The following ELP4 variants were observed in gnomAD, a reference collection of about 807,000 sequenced individuals.
ELP4 encodes the protein elongator complex protein 4.
ELP4 carries 51 observed loss-of-function variants against 48.9 expected under a neutral mutation model. The ratio of observed to expected loss-of-function variants is 1.04; its 90% confidence interval spans 0.83 to 1.32. The LOEUF is 1.32. Among genes scored for constraint, ELP4 ranks in the 40% most tolerant of loss-of-function variants. The pLI, the probability that ELP4 is intolerant of heterozygous loss-of-function variation, is 0.00. For missense variants in ELP4, 519 were observed against 514.6 expected (o/e 1.01, Z -0.08); for synonymous variants, 210 against 189.2 (o/e 1.11, Z -0.90).
chr11:31,689,251 G>A (rs1946224226), intron 9 of ELP4: 1 of 152,056 alleles, frequency 6.6e-6, no homozygotes, highest in African/African-American at 2.4e-5. Context: ...GACCAACCTA[G>A]GCAACATAGC....
chr11:31,765,670 T>A (rs1948027401), intron 9 of ELP4, among the ~76,000 whole-genome samples: 1 of 152,070 alleles, frequency 6.6e-6, no homozygotes, highest in Non-Finnish European at 1.5e-5. Flanking sequence ...CAACAATAGA[T>A]CCCCTGGACA....
intron 9 of ELP4, among the ~76,000 whole-genome samples, chr11:31,717,046 C>T (rs11823362): frequency 6.6e-6 from 1 of 151,888 alleles, no homozygotes; most frequent in African/African-American, 2.4e-5. Flanking sequence ...ATCTTTTATT[C>T]TAAACTTTCC....
intron 7 of ELP4, among the ~76,000 whole-genome samples, chr11:31,636,139 A>G (rs981131081): frequency 3.3e-5 from 5 of 152,000 alleles, no homozygotes; most frequent in Non-Finnish European, 2.9e-5. Flanking sequence ...CCATAGGGAT[A>G]CAGTAGCAAA....
chr11:31,597,952 CTTTTTTTTTTTT>C (rs58093641), intron 4 of ELP4, among the ~76,000 whole-genome samples: 2 of 96,298 alleles, frequency 2.1e-5, no homozygotes, highest in African/African-American at 7.4e-5. Flanking sequence ...AGCCTTTTCT[CTTTTTTTTTTTT>C]TTTTTTTTTG....
At chr11:31,541,523 G>A (rs867394114) in intron 3 of ELP4, 9 of 152,064 alleles carry the variant, frequency 5.9e-5, no homozygotes, top group Non-Finnish European at 1.0e-4. Context: ...ACAATATACC[G>A]AGACTAAGAT....
At position 31,641,125 on chromosome 11, in the gene ELP4, A is replaced by T. The variant is rs542732687; in HGVS notation, c.928-6616A>T. 4.1e-4 allele frequency among the ~76,000 whole-genome samples: 63 copies of T among 152,108 alleles called. 1 individual carries two copies. The highest frequency in any genetic ancestry group is 1.4e-3 in the African/African-American group (58 of 41,540). On this transcript the variant is annotated intron_variant, in intron 7 of 9. Transcript: ENST00000640961. ...TTAGCAAACTTTTTGTGTCAACATT[A>T]GTTCTTAATTTCTTACATATTAGTA...
chr11:31,669,773 G>A (rs370181730), intron 9 of ELP4, among the ~76,000 whole-genome samples: 8 of 152,128 alleles, frequency 5.3e-5, no homozygotes, highest in South Asian at 4.1e-4. Context: ...AATTATTCCC[G>A]CTCTCTATAT....
At chr11:31,559,133 G>A (rs771990983) in intron 3 of ELP4, among the ~76,000 whole-genome samples, 41 of 152,156 alleles carry the variant, frequency 2.7e-4, no homozygotes, top group South Asian at 8.3e-4. Context: ...AAATTAAATA[G>A]ATGAGCTGTG....
intron 9 of ELP4, chr11:31,719,372 G>T (rs192145208): frequency 2.5e-6 from 1 of 395,076 alleles, no homozygotes; most frequent in Non-Finnish European, 4.5e-6. Context: ...TTGTGGAATG[G>T]TTATAGATGA....
At chr11:31,519,966 G>T (rs1271611132) in intron 1 of ELP4, 90 bp from the exon 2 acceptor site, 3 of 1,212,868 alleles carry the variant, frequency 2.5e-6, no homozygotes, top group East Asian at 2.4e-5. Context: ...TAAAGTTATT[G>T]AAGTGCCTTT....
chr11:31,609,623 C>T (rs557609950), intron 5 of ELP4, among the ~76,000 whole-genome samples: 1 of 151,924 alleles, frequency 6.6e-6, no homozygotes, highest in Non-Finnish European at 1.5e-5. Flanking sequence ...GATGCCCGGC[C>T]GGGGTCTGTG....
chr11:31,693,098 T>G (rs1170674838), intron 9 of ELP4, among the ~76,000 whole-genome samples: 1 of 152,122 alleles, frequency 6.6e-6, no homozygotes, highest in Non-Finnish European at 1.5e-5. Context: ...GGACGTAGAC[T>G]CTCCACTGCC....
chr11:31,654,485 T>G (rs182953690), intron 9 of ELP4: 1 of 151,896 alleles, frequency 6.6e-6, no homozygotes, highest in African/African-American at 2.4e-5. Flanking sequence ...TTTTATTAAG[T>G]AGCTATTATT....
chr11:31,604,524 C>T (rs1044159525), intron 5 of ELP4, among the ~76,000 whole-genome samples: 4 of 151,786 alleles, frequency 2.6e-5, no homozygotes, highest in African/African-American at 9.7e-5. Context: ...AATTACAGGA[C>T]TTGACACTGA....
chr11:31,610,705 A>C (rs1331797885), intron 5 of ELP4, among the ~76,000 whole-genome samples: 1 of 152,024 alleles, frequency 6.6e-6, no homozygotes. Flanking sequence ...CCTTGTTTTT[A>C]CCTCCTTTCT....
rs1457997750 is a variant in ELP4, at chr11:31,789,774, C to T, written c.*6250C>T. 1 of 734,546 alleles carries T rather than the reference C, an allele frequency of 1.4e-6. No individual in the cohort carries two copies. The highest frequency in any genetic ancestry group is 2.5e-6 in the Non-Finnish European group (1 of 407,130). 45.5% of individuals were successfully genotyped at this position (734,546 alleles called of 1,614,324 possible). A position where few individuals can be genotyped will look rare whatever the true frequency, so the allele number is the denominator to read the frequency against. ...TATACAAAGGTCCTTGTTTCAAGTC[C>T]ATTCCTTCCCCAGTGGTACAATACA... On this transcript the variant is annotated 3_prime_UTR_variant, in exon 10 of 10. Coordinates refer to ENST00000640961, the MANE Select transcript of ELP4 (RefSeq NM_019040.5).
At chr11:31,727,930 A>T (rs1231937689) in intron 9 of ELP4, 1 of 152,172 alleles carries the variant, frequency 6.6e-6, no homozygotes, top group African/African-American at 2.4e-5. Context: ...AGAGATGATA[A>T]GCAGTATCTT....
chr11:31,549,052 A>T (rs28846784), intron 3 of ELP4, among the ~76,000 whole-genome samples: 1 of 152,068 alleles, frequency 6.6e-6, no homozygotes, highest in Non-Finnish European at 1.5e-5. Flanking sequence ...AACGTAGGCA[A>T]TACCATTCAG....
At chr11:31,729,789 A>G (rs375906427) in intron 9 of ELP4, among the ~76,000 whole-genome samples, 1 of 152,190 alleles carries the variant, frequency 6.6e-6, no homozygotes, top group South Asian at 2.1e-4. Context: ...GCTTTTTCCA[A>G]AAATGCTTGT....
Sources: allele counts gnomAD v4.1 joint callset (sites outside exome capture counted in the v4.1 genomes callset), GRCh38; gene constraint gnomAD v4.1.1; transcripts MANE v1.5; gene names NCBI Gene and HGNC (gene_info 2026-07-23, HGNC 2026-07-21).